The following FXN variants were observed in gnomAD, a reference collection of about 807,000 sequenced individuals.
FXN encodes frataxin, mitochondrial.
In FXN, 14 loss-of-function variants were observed where a neutral mutation model predicts 22.4. The observed-to-expected ratio is 0.62, with a 90% confidence interval of 0.41 to 0.98. The LOEUF (loss-of-function observed/expected upper bound fraction) is 0.98, where lower values mean the gene tolerates loss of function less well. FXN is among the 50% of genes least tolerant of loss of function. The pLI is 0.00. For missense variants in FXN, 267 were observed against 268.4 expected (o/e 0.99, Z 0.04); for synonymous variants, 120 against 114.1 (o/e 1.05, Z -0.33).
chr9:69,077,510 CTG>C lies in FXN; in HGVS notation c.*4751_*4752del. 1 of 985,472 alleles carries C rather than the reference CTG, an allele frequency of 1.0e-6. No individual in the cohort carries two copies. Among genetic ancestry groups the C allele is most frequent in the Non-Finnish European group, 1.2e-6 (1 of 829,950 alleles). The allele number at this position is 985,472 out of a possible 1,614,324, so 61.0% of individuals were successfully genotyped here. On this transcript the variant is annotated 3_prime_UTR_variant, in exon 5 of 5. Coordinates refer to ENST00000484259, the MANE Select transcript of FXN (RefSeq NM_000144.5). ...ATTGGCTCTCAAAGATTTTCTTCTC[CTG>C]TGGAAAGTCAGACCTCTGAGGCCCC... is the stretch of plus-strand genomic sequence containing the variant.
At chr9:69,069,118 C>G (rs1162504699) in intron 4 of FXN, among the ~76,000 whole-genome samples, 1 of 152,218 alleles carries the variant, frequency 6.6e-6, no homozygotes, top group African/African-American at 2.4e-5. Context: ...AATCCCAGCA[C>G]TTTGGGAGGC....
At chr9:69,038,296 C>T (rs1226299720) in intron 1 of FXN, among the ~76,000 whole-genome samples, 1 of 152,130 alleles carries the variant, frequency 6.6e-6, no homozygotes, top group African/African-American at 2.4e-5. Context: ...CCTAAGCTCC[C>T]CCTGGTCTCC....
rs1832391496 is a variant in FXN at position 69,077,470 on chromosome 9, G to A, written c.*4708G>A. On this transcript the variant is annotated 3_prime_UTR_variant, in exon 5 of 5. Coordinates refer to ENST00000484259, the MANE Select transcript of FXN (RefSeq NM_000144.5). ...ATTTAGACAGTTGAGGAAAACATCA[G>A]CACCCAGCAGTAAAATTGGCTCTCA... is the stretch of plus-strand genomic sequence containing the variant. 1 of 985,308 alleles carries A rather than the reference G, an allele frequency of 1.0e-6. No homozygotes were observed. Among genetic ancestry groups the A allele is most frequent in the Admixed American group, 6.1e-5 (1 of 16,264 alleles). 61.0% of individuals were successfully genotyped at this position (985,308 alleles called of 1,614,324 possible). A position where few individuals can be genotyped will look rare whatever the true frequency, so the allele number is the denominator to read the frequency against.
At chr9:69,059,055 G>A (rs11144969) in intron 3 of FXN, among the ~76,000 whole-genome samples, 13 of 152,018 alleles carry the variant, frequency 8.6e-5, no homozygotes, top group South Asian at 2.1e-4. Flanking sequence ...GCGACAGAGC[G>A]AGACTTCATC....
intron 1 of FXN, among the ~76,000 whole-genome samples, chr9:69,038,192 A>G (rs1445207154): frequency 1.3e-5 from 2 of 152,182 alleles, no homozygotes; most frequent in African/African-American, 4.8e-5. Context: ...TCCCTTGCAC[A>G]TCTTGGGTAT....
At chr9:69,038,667 A>C (rs7868040) in intron 1 of FXN, among the ~76,000 whole-genome samples, 72,246 of 151,408 alleles carry the variant, frequency 0.48, 17,390 homozygotes, top group Non-Finnish European at 0.51. Flanking sequence ...CTCTACTAAA[A>C]ACTAGCTCAG....
chr9:69,046,428 A>G lies in FXN; in HGVS notation c.209A>G (p.Lys70Arg). 6.2e-7 allele frequency: 1 copy of G among 1,614,186 alleles called. No individual in the cohort carries two copies. Among genetic ancestry groups the G allele is most frequent in the Non-Finnish European group, 8.5e-7 (1 of 1,180,030 alleles). ...CTCAACCAGATTTGGAATGTCAAAAAGCAGAGTGTCTATTTGATGAATTTG... is the reference window on the plus strand; with the variant it reads ...CTCAACCAGATTTGGAATGTCAAAAGGCAGAGTGTCTATTTGATGAATTTG... ...RGLNQIWNVK[K>R]QSVYLMNLRK... Residue 70 changes from lysine (K) to arginine (R), a missense_variant, in exon 2 of 5, where the codon AAG (lysine) becomes AGG (arginine). Transcript: ENST00000484259.
At chr9:69,053,688 G>A (rs1831902566) in intron 3 of FXN, among the ~76,000 whole-genome samples, 1 of 152,146 alleles carries the variant, frequency 6.6e-6, no homozygotes, top group South Asian at 2.1e-4. Context: ...AATCAGAGAG[G>A]GGCCTGAGTG....
rs1422591908 is a variant in FXN, at chr9:69,074,602, A to G, written c.*1840A>G. The G allele has an allele frequency of 1.0e-6, 1 of 985,230 alleles. No individual in the cohort carries two copies. Among genetic ancestry groups the G allele is most frequent in the African/African-American group, 1.7e-5 (1 of 57,248 alleles). 61.0% of individuals were successfully genotyped at this position (985,230 alleles called of 1,614,324 possible). On this transcript the variant is annotated 3_prime_UTR_variant, in exon 5 of 5. Transcript: ENST00000484259. ...GCTTTTCCAATGGGTGAATAAAAACACATTCCATTAAGTCAAGCTGGGAGC... is the reference window on the plus strand; with the variant it reads ...GCTTTTCCAATGGGTGAATAAAAACGCATTCCATTAAGTCAAGCTGGGAGC...
chr9:69,046,396 A>G lies in FXN; in HGVS notation c.177A>G (p.Gln59=). ...ACTTTGGCTTTCAGAGTTCGAACCA[A>G]CGTGGCCTCAACCAGATTTGGAATG... ...TCTPRRASSN[Q]RGLNQIWNVK... is the part of the protein sequence containing the mutation. The change falls in exon 2 of 5, where the codon CAA becomes CAG. Residue 59 remains glutamine (Q), a synonymous_variant. Transcript: ENST00000484259. The G allele has an allele frequency of 6.2e-7, 1 of 1,614,070 alleles. No homozygotes were observed. The highest frequency in any genetic ancestry group is 8.5e-7 in the Non-Finnish European group (1 of 1,179,920).
intron 3 of FXN, among the ~76,000 whole-genome samples, chr9:69,062,221 C>T (rs769916554): frequency 6.6e-5 from 10 of 152,160 alleles, no homozygotes; most frequent in Non-Finnish European, 1.3e-4. Context: ...AAGCGATTCT[C>T]CCACCTCAGC....
At position 69,055,496 on chromosome 9, in the gene FXN, C is replaced by CTT. The variant is rs780057588; in HGVS notation, c.384+2250_384+2251dup. On this transcript the variant is annotated intron_variant, in intron 3 of 4. Coordinates refer to ENST00000484259, the MANE Select transcript of FXN (RefSeq NM_000144.5). The stretch of plus-strand genomic sequence containing the variant: ...TGCGTTTGGTTTACTTCTTCTTCTT[C>CTT]TTTTTTTTTTTTTTTGAGTTGAAGC... 4.5e-3 allele frequency among the ~76,000 whole-genome samples: 630 copies of CTT among 140,542 alleles called. 3 individuals carry two copies. The highest frequency in any genetic ancestry group is 0.016 in the African/African-American group (601 of 38,478). 92.2% of individuals were successfully genotyped at this position (140,542 alleles called of 152,430 possible).
intron 1 of FXN, among the ~76,000 whole-genome samples, chr9:69,036,684 G>A (rs1831556683): frequency 6.6e-6 from 1 of 152,224 alleles, no homozygotes; most frequent in Non-Finnish European, 1.5e-5. Flanking sequence ...GATTAAATGG[G>A]AATAACATAG....
At chr9:69,051,507 A>G (rs1326461950) in intron 2 of FXN, among the ~76,000 whole-genome samples, 3 of 152,106 alleles carry the variant, frequency 2.0e-5, no homozygotes, top group Non-Finnish European at 4.4e-5. Flanking sequence ...AGTAAGTAAA[A>G]TGAACCATTT....
intron 1 of FXN, among the ~76,000 whole-genome samples, 173 bp from the exon 2 acceptor site, chr9:69,046,207 GGAGAA>G (rs930145332): frequency 3.3e-5 from 5 of 152,158 alleles, no homozygotes; most frequent in Non-Finnish European, 5.9e-5. Flanking sequence ...CCAGGGGAGA[GGAGAA>G]GAGAAGAGAG....
intron 1 of FXN, among the ~76,000 whole-genome samples, chr9:69,044,676 C>T (rs903497687): frequency 6.6e-6 from 1 of 152,196 alleles, no homozygotes; most frequent in Non-Finnish European, 1.5e-5. Flanking sequence ...CGCTCCATCA[C>T]CTCCCCTGTC....
Position 69,078,321 on chromosome 9 carries a change from G to T in FXN, c.*5559G>T. The T allele has an allele frequency of 2.0e-6, 2 of 985,492 alleles. No homozygotes were observed. The highest frequency in any genetic ancestry group is 2.4e-6 in the Non-Finnish European group (2 of 829,990). The allele number at this position is 985,492 out of a possible 1,614,324, so 61.0% of individuals were successfully genotyped here. A position where few individuals can be genotyped will look rare whatever the true frequency, so the allele number is the denominator to read the frequency against. ...TGGGATTCCTCTTGCCAGTCCATCA[G>T]CAGTTCCCCTTGAAAGTTTCACCAA... On this transcript the variant is annotated 3_prime_UTR_variant, in exon 5 of 5. Transcript: ENST00000484259.
chr9:69,070,086 G>A (rs978393256), intron 4 of FXN, among the ~76,000 whole-genome samples: 4 of 151,990 alleles, frequency 2.6e-5, no homozygotes, highest in Admixed American at 2.0e-4. Context: ...AAAATTAGCC[G>A]GGTGTGGTGA....
intron 1 of FXN, among the ~76,000 whole-genome samples, chr9:69,036,689 A>G (rs1800651): frequency 0.23 from 34,439 of 152,194 alleles, 4,064 homozygotes; most frequent in African/African-American, 0.25. Context: ...AATGGGAATA[A>G]CATAGATAAA....
Sources: gnomAD v4.1 joint callset for allele counts (sites outside exome capture counted in the v4.1 genomes callset) on GRCh38, gnomAD v4.1.1 for gene constraint, MANE v1.5 for transcripts, NCBI Gene and HGNC (gene_info 2026-07-23, HGNC 2026-07-21) for gene names.